The following UCHL3 variants were observed in gnomAD, a reference collection of about 807,000 sequenced individuals.
The protein encoded by UCHL3 is ubiquitin carboxyl-terminal hydrolase isozyme L3.
Under a neutral mutation model 35.8 loss-of-function variants are expected in UCHL3, and 22 were observed. The observed-to-expected ratio is 0.61, with a 90% CI of 0.44 to 0.88. UCHL3 has a LOEUF of 0.88. Among genes scored for constraint, UCHL3 ranks in the 40% least tolerant of loss-of-function variants. The probability of loss-of-function intolerance (pLI) is 0.00; values close to 1 mark genes in which losing one functional copy is unlikely to be tolerated. For synonymous variants in UCHL3, 90 were observed against 92.8 expected, an observed-to-expected ratio of 0.97 and a Z score of 0.17; for missense variants, 229 against 276.9, an observed-to-expected ratio of 0.83 and a Z score of 1.23.
intron 6 of UCHL3, among the ~76,000 whole-genome samples, chr13:75,592,431 T>TATACATATATACATATATAC (rs1566227922): frequency 2.2e-5 from 2 of 89,734 alleles, no homozygotes; most frequent in African/African-American, 8.8e-5. Flanking sequence ...TATATATATA[T>TATACATATATACATATATAC]ATATATATAT....
chr13:75,550,419 G>A (rs1243960242), intron 2 of UCHL3, among the ~76,000 whole-genome samples: 4 of 151,968 alleles, frequency 2.6e-5, no homozygotes, highest in Admixed American at 2.0e-4. Context: ...TTCATCCACC[G>A]CCTGCACTAT....
At chr13:75,560,972 C>T in intron 3 of UCHL3, 91 bp downstream of exon 3, 6 of 1,255,666 alleles carry the variant, frequency 4.8e-6, no homozygotes, top group Non-Finnish European at 5.3e-6. Context: ...GCTCTGTTGC[C>T]TAGGCTGGAG....
chr13:75,574,047 A>G (rs1593738161), intron 6 of UCHL3, among the ~76,000 whole-genome samples: 1 of 152,140 alleles, frequency 6.6e-6, no homozygotes, highest in African/African-American at 2.4e-5. Context: ...GAAACCCCGT[A>G]TCTACTAAAA....
intron 6 of UCHL3, among the ~76,000 whole-genome samples, chr13:75,586,138 A>G (rs187922076): frequency 6.2e-4 from 94 of 152,190 alleles, no homozygotes; most frequent in African/African-American, 2.0e-3. Flanking sequence ...ATTTTAAAAA[A>G]CGTAAGAAGA....
chr13:75,566,885 C>A, intron 4 of UCHL3, 34 bp downstream of exon 4: 1 of 1,565,356 alleles, frequency 6.4e-7, no homozygotes, highest in Non-Finnish European at 8.6e-7. Flanking sequence ...TTTTTTCCCC[C>A]TTAAGATACA....
chr13:75,564,326 A>G (rs1202276080), intron 3 of UCHL3, among the ~76,000 whole-genome samples: 1 of 151,650 alleles, frequency 6.6e-6, no homozygotes, highest in African/African-American at 2.4e-5. Flanking sequence ...TATTTTTTGT[A>G]TTTTTAGTAG....
chr13:75,574,192 T>C (rs2031952142), intron 6 of UCHL3, among the ~76,000 whole-genome samples: 1 of 151,682 alleles, frequency 6.6e-6, no homozygotes, highest in Non-Finnish European at 1.5e-5. Context: ...TACTCCAGCC[T>C]GGGCAACAGA....
At chr13:75,590,532 AT>A (rs1244359487) in intron 6 of UCHL3, among the ~76,000 whole-genome samples, 1 of 152,028 alleles carries the variant, frequency 6.6e-6, no homozygotes, top group Non-Finnish European at 1.5e-5. Flanking sequence ...CTTTATTATT[AT>A]TATTTTTTTA....
At chr13:75,594,299 A>G (rs1309395508) in intron 6 of UCHL3, among the ~76,000 whole-genome samples, 2 of 152,210 alleles carry the variant, frequency 1.3e-5, no homozygotes, top group Non-Finnish European at 2.9e-5. Flanking sequence ...ATTTGTTCTT[A>G]TCTTTTTTCC....
At chr13:75,595,976 A>G (rs1700554049) in intron 7 of UCHL3, among the ~76,000 whole-genome samples, 2 of 152,092 alleles carry the variant, frequency 1.3e-5, no homozygotes, top group Admixed American at 1.3e-4. Context: ...ATAAACAACA[A>G]AAAAGAGAAG....
chr13:75,599,640 C>T (rs1214685521), intron 7 of UCHL3, among the ~76,000 whole-genome samples: 1 of 152,088 alleles, frequency 6.6e-6, no homozygotes, highest in Non-Finnish European at 1.5e-5. Context: ...ACAAACTATA[C>T]CCATATATGC....
At chr13:75,582,187 A>G (rs1840176450) in intron 6 of UCHL3, among the ~76,000 whole-genome samples, 1 of 150,264 alleles carries the variant, frequency 6.7e-6, no homozygotes, top group African/African-American at 2.4e-5. Flanking sequence ...CTGTGTGTGT[A>G]AGTGAATGTG....
At chr13:75,578,964 G>T (rs2032104009) in intron 6 of UCHL3, among the ~76,000 whole-genome samples, 2 of 152,068 alleles carry the variant, frequency 1.3e-5, no homozygotes, top group Non-Finnish European at 1.5e-5. Context: ...GCAGTAAATA[G>T]TATAAAGTTT....
At chr13:75,552,798 T>C (rs368336592) in intron 2 of UCHL3, among the ~76,000 whole-genome samples, 1 of 152,244 alleles carries the variant, frequency 6.6e-6, no homozygotes, top group Non-Finnish European at 1.5e-5. Context: ...GAGTGTGATA[T>C]AGGCAATTAT....
chr13:75,563,626 G>A (rs1282112812), intron 3 of UCHL3, among the ~76,000 whole-genome samples: 6 of 152,042 alleles, frequency 3.9e-5, no homozygotes, highest in Non-Finnish European at 8.8e-5. Context: ...TTTGTTACAA[G>A]AGCAGCTAAA....
At chr13:75,561,377 AT>A (rs1241752609) in intron 3 of UCHL3, among the ~76,000 whole-genome samples, 2 of 152,110 alleles carry the variant, frequency 1.3e-5, no homozygotes, top group Non-Finnish European at 2.9e-5. Flanking sequence ...TGATATTTCT[AT>A]TTTGATGACA....
intron 7 of UCHL3, among the ~76,000 whole-genome samples, chr13:75,595,641 G>A (rs2031236): frequency 0.15 from 20,163 of 134,366 alleles, 1,792 homozygotes; most frequent in East Asian, 0.31. Context: ...CGTAATAGTT[G>A]TAATGATTGG....
intron 6 of UCHL3, among the ~76,000 whole-genome samples, chr13:75,572,809 T>C (rs1459883362): frequency 6.6e-6 from 1 of 152,218 alleles, no homozygotes; most frequent in African/African-American, 2.4e-5. Flanking sequence ...CGGGACTGTT[T>C]TGTGCACTCC....
At chr13:75,565,010 G>A (rs2031640259) in intron 3 of UCHL3, among the ~76,000 whole-genome samples, 1 of 152,162 alleles carries the variant, frequency 6.6e-6, no homozygotes, top group African/African-American at 2.4e-5. Context: ...ATAGTGTTTT[G>A]AATGTGTTCT....
Sources: gnomAD v4.1 joint callset for allele counts (sites outside exome capture counted in the v4.1 genomes callset) on GRCh38, gnomAD v4.1.1 for gene constraint, MANE v1.5 for transcripts, NCBI Gene and HGNC (gene_info 2026-07-23, HGNC 2026-07-21) for gene names.